CADM1: variants seen among roughly 807,000 people sequenced by gnomAD.
The protein encoded by CADM1 is TSLC-1.
A neutral mutation model predicts 53.1 loss-of-function variants in CADM1; 15 were observed. The observed-to-expected ratio is 0.28, with a 90% CI of 0.19 to 0.44. The LOEUF is 0.44. Ranked by LOEUF, CADM1 falls within the 20% of genes least tolerant of loss-of-function variation. The pLI is 1.00. For missense variants in CADM1, 434 were observed against 611.3 expected (o/e 0.71, Z 3.06); for synonymous variants, 281 against 243.0 (o/e 1.16, Z -1.45).
intron 1 of CADM1, among the ~76,000 whole-genome samples, chr11:115,381,479 T>C (rs1039732674): frequency 6.6e-6 from 1 of 152,064 alleles, no homozygotes; most frequent in Admixed American, 6.6e-5. Context: ...GTCCACAACA[T>C]GTAGCAAAAA....
At chr11:115,425,974 CA>C (rs1947880812) in intron 1 of CADM1, among the ~76,000 whole-genome samples, 1 of 152,178 alleles carries the variant, frequency 6.6e-6, no homozygotes, top group African/African-American at 2.4e-5. Flanking sequence ...CCCCATCTGT[CA>C]GCCAAACAAA....
chr11:115,404,345 A>G (rs1947249152), intron 1 of CADM1, among the ~76,000 whole-genome samples: 7 of 40,788 alleles, frequency 1.7e-4, no homozygotes, highest in Admixed American at 4.9e-4. Context: ...AAAAAAAAAA[A>G]AATATATATA....
At chr11:115,487,683 TAAAG>T (rs1949406749) in intron 1 of CADM1, among the ~76,000 whole-genome samples, 1 of 152,196 alleles carries the variant, frequency 6.6e-6, no homozygotes, top group Non-Finnish European at 1.5e-5. Context: ...GAACAGTGGT[TAAAG>T]AATCATCAAC....
At chr11:115,472,919 G>A (rs974639058) in intron 1 of CADM1, among the ~76,000 whole-genome samples, 4 of 152,094 alleles carry the variant, frequency 2.6e-5, no homozygotes, top group South Asian at 4.1e-4. Context: ...ATAATTTTCT[G>A]TGATCTACTT....
chr11:115,316,343 G>A (rs536403778), intron 1 of CADM1, among the ~76,000 whole-genome samples: 2 of 152,158 alleles, frequency 1.3e-5, no homozygotes, highest in African/African-American at 4.8e-5. Context: ...CAGTTGCAAA[G>A]GAGGCATTTA....
intron 1 of CADM1, among the ~76,000 whole-genome samples, chr11:115,393,887 AGTCACCGACCAC>A (rs1469835106): frequency 1.3e-5 from 2 of 152,190 alleles, no homozygotes; most frequent in Non-Finnish European, 2.9e-5. Context: ...CCAAATACAG[AGTCACCGACCAC>A]GGTAATAAAT....
chr11:115,345,790 A>G (rs1945560602), intron 1 of CADM1, among the ~76,000 whole-genome samples: 1 of 152,180 alleles, frequency 6.6e-6, no homozygotes, highest in Admixed American at 6.5e-5. Flanking sequence ...GTGCTGCTCC[A>G]TACCCTTCCA....
In CADM1 at chr11:115,172,898, A is replaced by T. The variant is rs758706263; in HGVS notation, c.*3576T>A. On this transcript the variant is annotated 3_prime_UTR_variant, in exon 12 of 12. Coordinates refer to ENST00000331581, the MANE Select transcript of CADM1 (RefSeq NM_001301043.2). ...TGGCCAAGGGAGAAAAGGGGAACTCATCAACCACAGCTGAGGGGATGGTGG... is the reference window on the plus strand; with the variant it reads ...TGGCCAAGGGAGAAAAGGGGAACTCTTCAACCACAGCTGAGGGGATGGTGG... The T allele has an allele frequency of 6.6e-6, 1 of 152,154 alleles. No individual in the cohort carries two copies. The highest frequency in any genetic ancestry group is 1.5e-5 in the Non-Finnish European group (1 of 68,034). 9.4% of individuals were successfully genotyped at this position (152,154 alleles called of 1,614,324 possible). A position where few individuals can be genotyped will look rare whatever the true frequency, so the allele number is the denominator to read the frequency against.
chr11:115,215,387 A>C (rs1941137204), intron 6 of CADM1, among the ~76,000 whole-genome samples: 1 of 151,968 alleles, frequency 6.6e-6, no homozygotes, highest in Non-Finnish European at 1.5e-5. Flanking sequence ...CCAGAATGCC[A>C]CCCCTGTCTC....
At chr11:115,308,192 G>GTATATATATATATATA (rs1387092815) in intron 1 of CADM1, among the ~76,000 whole-genome samples, 34 of 70,498 alleles carry the variant, frequency 4.8e-4, no homozygotes, top group African/African-American at 2.0e-3. Flanking sequence ...ACTCATAGGT[G>GTATATATATATATATA]TGTATATATA....
intron 1 of CADM1, among the ~76,000 whole-genome samples, chr11:115,283,488 G>A (rs1294497923): frequency 1.3e-5 from 2 of 152,220 alleles, no homozygotes; most frequent in African/African-American, 4.8e-5. Flanking sequence ...AGCCACAGAG[G>A]TGGAGGGAAG....
At position 115,190,587 on chromosome 11, in the gene CADM1, ATCTAGGACATAAACATTAT is replaced by A. The variant is rs1222733737; in HGVS notation, c.1165+282_1165+300del. ...CAAAATTTCTCCCGACACATTATAT[ATCTAGGACATAAACATTAT>A]TTGAAGCCACTGAACAGAGGGGCTT... On this transcript the variant is annotated intron_variant, in intron 10 of 11. Coordinates refer to ENST00000331581, the MANE Select transcript of CADM1 (RefSeq NM_001301043.2). 1.5e-5 allele frequency: 5 copies of A among 332,584 alleles called. No individual in the cohort carries two copies. In the South Asian group the frequency reaches 3.0e-4, roughly 20 times the overall value. The allele number at this position is 332,584 out of a possible 1,614,324, so 20.6% of individuals were successfully genotyped here.
At chr11:115,489,112 T>A (rs1949438297) in intron 1 of CADM1, among the ~76,000 whole-genome samples, 1 of 152,222 alleles carries the variant, frequency 6.6e-6, no homozygotes, top group African/African-American at 2.4e-5. Context: ...GCCTCAGCAA[T>A]GACTCAAAGT....
intron 1 of CADM1, among the ~76,000 whole-genome samples, chr11:115,489,640 A>G (rs1481853217): frequency 6.6e-6 from 1 of 152,230 alleles, no homozygotes; most frequent in Non-Finnish European, 1.5e-5. Context: ...GGACATGTCT[A>G]TTGGTGGAAA....
intron 1 of CADM1, among the ~76,000 whole-genome samples, chr11:115,468,005 C>T (rs1470018558): frequency 1.3e-5 from 2 of 152,084 alleles, no homozygotes; most frequent in Non-Finnish European, 2.9e-5. Context: ...TCTATAAGTA[C>T]AAAATTTCAT....
intron 5 of CADM1, among the ~76,000 whole-genome samples, chr11:115,222,654 T>A (rs1297750985): frequency 6.6e-6 from 1 of 152,140 alleles, no homozygotes. Context: ...GTGAGTGGGA[T>A]GAGTCAAATC....
chr11:115,291,038 C>A (rs930887488), intron 1 of CADM1, among the ~76,000 whole-genome samples: 1 of 152,100 alleles, frequency 6.6e-6, no homozygotes, highest in Non-Finnish European at 1.5e-5. Context: ...TTCAAGATAG[C>A]GTAGTGCCCA....
At chr11:115,180,966 G>C (rs969254592) in intron 10 of CADM1, among the ~76,000 whole-genome samples, 5 of 152,160 alleles carry the variant, frequency 3.3e-5, no homozygotes, top group African/African-American at 1.2e-4. Context: ...AGTGAGACTA[G>C]ACATTGAGGA....
In CADM1 at chr11:115,312,432, C is replaced by T. The variant is rs189155170; in HGVS notation, c.125-72012G>A. ...CGGAGGGTAGGATGCTAAATAAATACACTGCTGGAATGTACTAATCCATTA... is the reference window on the plus strand; with the variant it reads ...CGGAGGGTAGGATGCTAAATAAATATACTGCTGGAATGTACTAATCCATTA... On this transcript the variant is annotated intron_variant, in intron 1 of 11. Transcript: ENST00000331581. 2.8e-3 allele frequency among the ~76,000 whole-genome samples: 424 copies of T among 152,252 alleles called. 1 individual carries two copies. The highest frequency in any genetic ancestry group is 6.0e-3 in the South Asian group (29 of 4,830).
Sources: allele counts gnomAD v4.1 joint callset (sites outside exome capture counted in the v4.1 genomes callset), GRCh38; gene constraint gnomAD v4.1.1; transcripts MANE v1.5; gene names NCBI Gene and HGNC (gene_info 2026-07-23, HGNC 2026-07-21).